Variants in SLCO1B1 observed in about 807,000 individuals in gnomAD.
SLCO1B1 encodes OATP-2.
A neutral mutation model predicts 70.1 loss-of-function variants in SLCO1B1; 81 were observed. The ratio of observed to expected loss-of-function variants is 1.16; its 90% confidence interval spans 0.97 to 1.39. The LOEUF (loss-of-function observed/expected upper bound fraction) is 1.39, where lower values mean the gene tolerates loss of function less well. SLCO1B1 is among the 40% of genes most tolerant of loss of function. The pLI is 0.00. For missense variants in SLCO1B1, 895 were observed against 799.6 expected (o/e 1.12, Z -1.44); for synonymous variants, 283 against 271.5 (o/e 1.04, Z -0.42).
intron 7 of SLCO1B1, among the ~76,000 whole-genome samples, chr12:21,190,591 AT>A (rs1941018687): frequency 6.6e-6 from 1 of 152,138 alleles, no homozygotes; most frequent in Admixed American, 6.6e-5. Flanking sequence ...GAATTCTATA[AT>A]GATAAATTTT....
At chr12:21,159,648 T>C (rs555852940) in intron 2 of SLCO1B1, among the ~76,000 whole-genome samples, 1 of 152,240 alleles carries the variant, frequency 6.6e-6, no homozygotes, top group East Asian at 1.9e-4. Flanking sequence ...GATAATGTTT[T>C]TCTCCATTTT....
chr12:21,179,303 T>A (rs1489905020), intron 7 of SLCO1B1, among the ~76,000 whole-genome samples: 1 of 152,168 alleles, frequency 6.6e-6, no homozygotes, highest in African/African-American at 2.4e-5. Flanking sequence ...CCTCCCAAAC[T>A]GACTGTCCAG....
chr12:21,141,868 A>G (rs1023698456), intron 2 of SLCO1B1, among the ~76,000 whole-genome samples: 1 of 151,896 alleles, frequency 6.6e-6, no homozygotes, highest in Non-Finnish European at 1.5e-5. Context: ...TTGATGCTTA[A>G]TAGTTTATCA....
chr12:21,197,374 A>G (rs1457479320), intron 8 of SLCO1B1, among the ~76,000 whole-genome samples, 186 bp downstream of exon 8: 1 of 152,146 alleles, frequency 6.6e-6, no homozygotes, highest in Non-Finnish European at 1.5e-5. Flanking sequence ...GCACATAACA[A>G]GTGGAAGAGA....
At chr12:21,133,976 A>C (rs1591793006) in intron 1 of SLCO1B1, among the ~76,000 whole-genome samples, 2 of 152,202 alleles carry the variant, frequency 1.3e-5, no homozygotes, top group Admixed American at 1.3e-4. Flanking sequence ...GGTTTGTCAT[A>C]GATAGCTCTT....
chr12:21,172,037 G>A (rs1400817686), intron 2 of SLCO1B1, among the ~76,000 whole-genome samples: 1 of 151,956 alleles, frequency 6.6e-6, no homozygotes, highest in Non-Finnish European at 1.5e-5. Flanking sequence ...TACATAACAG[G>A]GTAAATATTA....
intron 2 of SLCO1B1, among the ~76,000 whole-genome samples, chr12:21,145,637 G>A (rs1940373005): frequency 6.6e-6 from 1 of 151,654 alleles, no homozygotes; most frequent in Admixed American, 6.6e-5. Context: ...TTTTTAAAGT[G>A]ACTACATTAA....
chr12:21,220,124 A>G lies in SLCO1B1; in HGVS notation c.1683-2176A>G, dbSNP rs111445807. 3.1e-3 allele frequency among the ~76,000 whole-genome samples: 474 copies of G among 152,290 alleles called. 2 individuals carry two copies. The highest frequency in any genetic ancestry group is 0.011 in the African/African-American group (454 of 41,562). ...TGAGACATTGAATGTGGCATGTGAG[A>G]AAGATAATTTAAGGATAATCCCAAA... is the stretch of plus-strand genomic sequence containing the variant. On this transcript the variant is annotated intron_variant, in intron 12 of 14. Coordinates refer to ENST00000256958, the MANE Select transcript of SLCO1B1 (RefSeq NM_006446.5).
At chr12:21,145,397 C>T (rs1465242559) in intron 2 of SLCO1B1, among the ~76,000 whole-genome samples, 2 of 151,562 alleles carry the variant, frequency 1.3e-5, no homozygotes, top group Non-Finnish European at 2.9e-5. Context: ...ACTCCACCTC[C>T]CAGGCTCAAG....
At chr12:21,237,863 C>T (rs924271810) in intron 14 of SLCO1B1, among the ~76,000 whole-genome samples, 5 of 151,856 alleles carry the variant, frequency 3.3e-5, no homozygotes, top group East Asian at 1.9e-4. Context: ...AACAGGCACC[C>T]GCCACCACGC....
rs1225323531 is a variant in SLCO1B1, at chr12:21,239,188, A to G, written c.2075A>G (p.Ter692=). The change falls in exon 15 of 15, where the codon TAA becomes TGA. Residue 692 remains the stop codon, a stop_retained_variant. Coordinates refer to ENST00000256958, the MANE Select transcript of SLCO1B1 (RefSeq NM_006446.5). ...GGGGCAGATAGTGAAACACATTGTT[A>G]AGGGGAGAAAAAAAGCCACTTCTGC... ...SAGADSETHC[*] is the part of the protein sequence containing the mutation. 9 of 1,608,122 alleles carry G rather than the reference A, an allele frequency of 5.6e-6. No homozygotes were observed. The Admixed American group carries it at 1.2e-4, about 21-fold the overall frequency.
At chr12:21,216,553 GTAA>G (rs1179334683) in intron 11 of SLCO1B1, among the ~76,000 whole-genome samples, 2 of 152,016 alleles carry the variant, frequency 1.3e-5, no homozygotes, top group African/African-American at 4.8e-5. Flanking sequence ...AACCTCTCTG[GTAA>G]TAATATCATC....
intron 11 of SLCO1B1, among the ~76,000 whole-genome samples, chr12:21,209,768 G>A (rs1280213866): frequency 1.7e-4 from 25 of 150,572 alleles, no homozygotes; most frequent in Admixed American, 3.3e-4. Flanking sequence ...GTGTGAGATG[G>A]TATCTCATTG....
At chr12:21,153,354 A>G (rs189770030) in intron 2 of SLCO1B1, among the ~76,000 whole-genome samples, 96 of 152,302 alleles carry the variant, frequency 6.3e-4, no homozygotes, top group African/African-American at 2.2e-3. Context: ...TGATTAATAT[A>G]CAAGTTATTT....
At chr12:21,182,365 G>A (rs1466845977) in intron 7 of SLCO1B1, among the ~76,000 whole-genome samples, 1 of 152,146 alleles carries the variant, frequency 6.6e-6, no homozygotes, top group Non-Finnish European at 1.5e-5. Context: ...CTTGAACCCA[G>A]GGGGTTTTGC....
chr12:21,140,059 A>G (rs1348636265), intron 1 of SLCO1B1, among the ~76,000 whole-genome samples: 1 of 152,140 alleles, frequency 6.6e-6, no homozygotes, highest in Non-Finnish European at 1.5e-5. Context: ...CAAAACATAC[A>G]TAAAACACAG....
intron 7 of SLCO1B1, among the ~76,000 whole-genome samples, chr12:21,188,678 C>G (rs368365708): frequency 6.6e-6 from 1 of 151,984 alleles, no homozygotes; most frequent in Non-Finnish European, 1.5e-5. Flanking sequence ...TTTATTTGCT[C>G]AAAAGTGTGT....
At chr12:21,146,615 C>T (rs910824609) in intron 2 of SLCO1B1, among the ~76,000 whole-genome samples, 16 of 152,050 alleles carry the variant, frequency 1.1e-4, no homozygotes, top group Non-Finnish European at 2.1e-4. Context: ...CTACCTTTCA[C>T]AAATTTTGAT....
At chr12:21,209,274 G>T (rs1386514475) in intron 11 of SLCO1B1, among the ~76,000 whole-genome samples, 1 of 149,230 alleles carries the variant, frequency 6.7e-6, no homozygotes, top group Admixed American at 6.7e-5. Flanking sequence ...TGATCTCATT[G>T]TTCAATTCCC....
Sources: allele counts gnomAD v4.1 joint callset (sites outside exome capture counted in the v4.1 genomes callset), GRCh38; gene constraint gnomAD v4.1.1; transcripts MANE v1.5; gene names NCBI Gene and HGNC (gene_info 2026-07-23, HGNC 2026-07-21).